Variants in ZNF808 observed in about 807,000 individuals in gnomAD.
The protein encoded by ZNF808 is zinc finger protein 808.
Under a neutral mutation model 8.7 loss-of-function variants are expected in ZNF808, and 5 were observed. That is an observed-to-expected ratio of 0.58 (90% CI 0.30 to 1.21). The LOEUF is 1.21. Ranked by LOEUF, ZNF808 falls within the 50% of genes most tolerant of loss-of-function variation. ZNF808 has a pLI of 0.07. For missense variants in ZNF808, 1,103 were observed against 1,098.4 expected (o/e 1.00, Z -0.06); for synonymous variants, 380 against 366.0 (o/e 1.04, Z -0.44).
chr19:52,551,908 A>C (rs1030089745), intron 4 of ZNF808, among the ~76,000 whole-genome samples: 12 of 152,136 alleles, frequency 7.9e-5, no homozygotes, highest in Non-Finnish European at 1.5e-4. Context: ...GAGGTTGAGG[A>C]AGGAGAATCA....
intron 2 of ZNF808, among the ~76,000 whole-genome samples, chr19:52,536,320 C>A: frequency 6.6e-6 from 1 of 152,100 alleles, no homozygotes; most frequent in East Asian, 1.9e-4. Context: ...CTGACTCCAC[C>A]CACCCCGTTC....
chr19:52,530,009 C>T (rs923903005), intron 1 of ZNF808, among the ~76,000 whole-genome samples: 1 of 151,760 alleles, frequency 6.6e-6, no homozygotes, highest in African/African-American at 2.4e-5. Context: ...TCCCAAATTA[C>T]TGGGATTACA....
chr19:52,536,350 G>A (rs896334325), intron 2 of ZNF808, among the ~76,000 whole-genome samples: 7 of 151,878 alleles, frequency 4.6e-5, no homozygotes, highest in African/African-American at 1.7e-4. Flanking sequence ...TCCCCGACCC[G>A]CGAGGTGGAT....
chr19:52,533,948 T>C (rs2059583518), intron 2 of ZNF808, among the ~76,000 whole-genome samples: 1 of 150,942 alleles, frequency 6.6e-6, no homozygotes, highest in South Asian at 2.1e-4. Flanking sequence ...AATTTAAAGC[T>C]ATGGACATTT....
intron 1 of ZNF808, among the ~76,000 whole-genome samples, chr19:52,530,325 G>A (rs535924182): frequency 2.0e-5 from 3 of 152,190 alleles, no homozygotes; most frequent in South Asian, 4.1e-4. Flanking sequence ...CTCCCAAAGT[G>A]CTGGGATTCC....
At chr19:52,562,557 A>G (rs1162062896) in intron 3 of ZNF808, among the ~76,000 whole-genome samples, 1 of 152,180 alleles carries the variant, frequency 6.6e-6, no homozygotes, top group Non-Finnish European at 1.5e-5. Context: ...GGGAGCCTGC[A>G]TCATATTTTT....
At chr19:52,540,646 C>A (rs1246076916) in intron 2 of ZNF808, among the ~76,000 whole-genome samples, 2 of 151,914 alleles carry the variant, frequency 1.3e-5, no homozygotes, top group Non-Finnish European at 2.9e-5. Context: ...AGTAAGTGTC[C>A]CCTCAATTCC....
chr19:52,530,248 C>T (rs141405343), intron 1 of ZNF808, among the ~76,000 whole-genome samples: 71 of 152,090 alleles, frequency 4.7e-4, no homozygotes, highest in African/African-American at 1.5e-3. Context: ...TTAGTAGAGA[C>T]GAGGTTTCTT....
At chr19:52,561,215 T>TAC (rs2059857046), downstream of ZNF808, among the ~76,000 whole-genome samples, 2 of 26,280 alleles carry the variant, frequency 7.6e-5, no homozygotes, top group African/African-American at 2.4e-4. Flanking sequence ...TCTCTCTCTA[T>TAC]ATATATATAT....
intron 1 of ZNF808, 169 bp downstream of exon 1, chr19:52,527,880 A>G (rs1183484403): frequency 1.3e-5 from 2 of 152,550 alleles, no homozygotes; most frequent in Non-Finnish European, 2.9e-5. Context: ...TTTCGGGTTT[A>G]AAGTCGTCTG....
chr19:52,540,178 A>C (rs79875112), intron 2 of ZNF808, among the ~76,000 whole-genome samples: 3 of 151,828 alleles, frequency 2.0e-5, no homozygotes, highest in Admixed American at 1.3e-4. Context: ...TGCCCTGCTA[A>C]TGTTTGTATT....
rs758059403 is a variant in ZNF808, at chr19:52,555,317, G to T, written c.2401G>T (p.Val801Leu). Residue 801 changes from valine to leucine, a missense_variant, in exon 5 of 5, where the codon GTG (valine) becomes TTG (leucine). Coordinates refer to ENST00000359798, the MANE Select transcript of ZNF808 (RefSeq NM_001039886.4). ...ATGTACGGTTTGTGACAAGGCTTTC[G>T]TGCGTAATTCATACCTGGCAAGACA... is the stretch of plus-strand genomic sequence containing the variant. ...YKCTVCDKAF[V>L]RNSYLARHIR... 8 of 1,613,906 alleles carry T rather than the reference G, an allele frequency of 5.0e-6. No individual in the cohort carries two copies. Among genetic ancestry groups the T allele is most frequent in the Non-Finnish European group, 5.1e-6 (6 of 1,180,014 alleles).
At chr19:52,535,599 G>T (rs1031625615) in intron 2 of ZNF808, among the ~76,000 whole-genome samples, 2 of 152,284 alleles carry the variant, frequency 1.3e-5, no homozygotes, top group Non-Finnish European at 2.9e-5. Flanking sequence ...GGAGGCCCTA[G>T]GGAAGTCTCT....
chr19:52,557,803 G>A (rs969413945), downstream of ZNF808, among the ~76,000 whole-genome samples: 3 of 152,042 alleles, frequency 2.0e-5, no homozygotes, highest in Non-Finnish European at 1.5e-5. Flanking sequence ...CAAGGATGTG[G>A]GTGATAAGAC....
chr19:52,567,347 AAG>A (rs1343407783), downstream of ZNF808, among the ~76,000 whole-genome samples: 1 of 151,904 alleles, frequency 6.6e-6, no homozygotes, highest in East Asian at 1.9e-4. Context: ...GCACCTATGT[AAG>A]AGAAACTTTA....
intron 1 of ZNF808, among the ~76,000 whole-genome samples, chr19:52,532,346 C>T (rs949306126): frequency 1.3e-5 from 2 of 152,078 alleles, no homozygotes; most frequent in Non-Finnish European, 2.9e-5. Flanking sequence ...GTGCCTCTGC[C>T]TCCTGAGTAG....
chr19:52,534,845 C>T (rs767233619), intron 2 of ZNF808, among the ~76,000 whole-genome samples: 5 of 151,932 alleles, frequency 3.3e-5, no homozygotes, highest in South Asian at 2.1e-4. Flanking sequence ...GCCACGATCT[C>T]GCAACTGCAC....
At chr19:52,537,651 G>C (rs2059626128) in intron 2 of ZNF808, among the ~76,000 whole-genome samples, 1 of 149,254 alleles carries the variant, frequency 6.7e-6, no homozygotes, top group African/African-American at 2.5e-5. Flanking sequence ...TCATGCCACT[G>C]TACTCCAGCC....
downstream of ZNF808, among the ~76,000 whole-genome samples, chr19:52,561,208 C>CTA (rs2059856742): frequency 1.2e-4 from 4 of 32,694 alleles, no homozygotes; most frequent in African/African-American, 2.2e-4. Context: ...CTCTCTCTCT[C>CTA]TCTCTATATA....
Sources: gnomAD v4.1 joint callset for allele counts (sites outside exome capture counted in the v4.1 genomes callset) on GRCh38, gnomAD v4.1.1 for gene constraint, MANE v1.5 for transcripts, NCBI Gene and HGNC (gene_info 2026-07-23, HGNC 2026-07-21) for gene names.